The following SCAI variants were observed in gnomAD, a reference collection of about 807,000 sequenced individuals.
SCAI encodes protein SCAI.
Under a neutral mutation model 92.2 loss-of-function variants are expected in SCAI, and 24 were observed. That is an observed-to-expected ratio of 0.26 (90% confidence interval 0.19 to 0.37). The LOEUF is 0.37. Among genes scored for constraint, SCAI ranks in the 10% least tolerant of loss-of-function variants. The pLI, the probability that SCAI is intolerant of heterozygous loss-of-function variation, is 1.00. For missense variants in SCAI, 450 were observed against 736.2 expected, an observed-to-expected ratio of 0.61 and a Z score of 4.50; for synonymous variants, 261 against 258.6, an observed-to-expected ratio of 1.01 and a Z score of -0.09.
At chr9:124,991,476 T>C (rs1385395116) in intron 14 of SCAI, among the ~76,000 whole-genome samples, 1 of 151,234 alleles carries the variant, frequency 6.6e-6, no homozygotes, top group Admixed American at 6.6e-5. Flanking sequence ...TCCAGACCTA[T>C]ATAAAACATA....
chr9:125,136,214 G>T (rs1835523103), intron 2 of SCAI, among the ~76,000 whole-genome samples: 1 of 149,086 alleles, frequency 6.7e-6, no homozygotes, highest in Admixed American at 6.7e-5. Flanking sequence ...AGTCTCAGCT[G>T]ATCCTCCCAC....
chr9:125,083,806 T>G (rs1834268107), intron 2 of SCAI, among the ~76,000 whole-genome samples: 1 of 152,138 alleles, frequency 6.6e-6, no homozygotes, highest in Admixed American at 6.5e-5. Context: ...CAGAGTGTAC[T>G]TTCTACACTC....
intron 2 of SCAI, among the ~76,000 whole-genome samples, chr9:125,122,268 T>G (rs1835169865): frequency 6.6e-6 from 1 of 152,196 alleles, no homozygotes; most frequent in African/African-American, 2.4e-5. Flanking sequence ...CATTTTCCTC[T>G]TCTTTTTAAC....
At chr9:124,961,392 G>C (rs1831432139) in intron 17 of SCAI, among the ~76,000 whole-genome samples, 1 of 152,080 alleles carries the variant, frequency 6.6e-6, no homozygotes, top group Non-Finnish European at 1.5e-5. Flanking sequence ...GCTCATCCCT[G>C]TAATCCTAGA....
chr9:125,058,350 C>G (rs1365845170), intron 2 of SCAI, among the ~76,000 whole-genome samples: 1 of 151,786 alleles, frequency 6.6e-6, no homozygotes, highest in Non-Finnish European at 1.5e-5. Context: ...CCATCTCCAC[C>G]AAAAAATACA....
intron 9 of SCAI, among the ~76,000 whole-genome samples, chr9:125,008,036 G>A (rs1056237112): frequency 5.3e-5 from 8 of 151,730 alleles, no homozygotes; most frequent in African/African-American, 1.9e-4. Flanking sequence ...TAGTAGAGAC[G>A]GGGTTTCACC....
chr9:124,954,065 CCTGAG>C (rs1160034478), intron 17 of SCAI, among the ~76,000 whole-genome samples: 7 of 151,786 alleles, frequency 4.6e-5, no homozygotes, highest in Non-Finnish European at 8.8e-5. Context: ...GTCTTGAACT[CCTGAG>C]CTCAACCAAT....
intron 2 of SCAI, among the ~76,000 whole-genome samples, chr9:125,121,727 C>G (rs1312854852): frequency 6.6e-6 from 1 of 152,024 alleles, no homozygotes; most frequent in Non-Finnish European, 1.5e-5. Context: ...GTGGCACACC[C>G]CTGTAGTCCC....
At chr9:125,039,150 G>A (rs2131105010) in intron 3 of SCAI, among the ~76,000 whole-genome samples, 2 of 152,262 alleles carry the variant, frequency 1.3e-5, no homozygotes, top group South Asian at 4.1e-4. Flanking sequence ...CACTTTGGGA[G>A]GCCAAGGTGG....
chr9:125,032,133 G>A (rs891607211), intron 3 of SCAI, among the ~76,000 whole-genome samples: 1 of 140,194 alleles, frequency 7.1e-6, no homozygotes, highest in African/African-American at 2.7e-5. Flanking sequence ...GAAATATTTA[G>A]AACAGAGAAA....
chr9:125,139,063 G>A (rs1165499780), intron 2 of SCAI, among the ~76,000 whole-genome samples: 1 of 152,064 alleles, frequency 6.6e-6, no homozygotes, highest in Non-Finnish European at 1.5e-5. Flanking sequence ...TAAAGGAGGG[G>A]GCTTGTCAAG....
At chr9:125,106,135 A>ATATG (rs1266002791) in intron 2 of SCAI, among the ~76,000 whole-genome samples, 1 of 107,010 alleles carries the variant, frequency 9.3e-6, no homozygotes, top group African/African-American at 3.4e-5. Flanking sequence ...ATATATATAT[A>ATATG]TATATATATA....
rs567113512 is a variant in SCAI at position 124,967,532 on chromosome 9, T to C, written c.1674+3838A>G. Reference sequence around the variant, plus strand: ...GCACCTCCTCAGCTCCATGATTTTGTTTATTATGCTACATCACTCAGCTCA... The same window carrying C: ...GCACCTCCTCAGCTCCATGATTTTGCTTATTATGCTACATCACTCAGCTCA... On this transcript the variant is annotated intron_variant, in intron 17 of 17. Transcript: ENST00000336505. Among the ~76,000 whole-genome samples, 57 of 152,318 alleles carry C rather than the reference T, an allele frequency of 3.7e-4. 2 individuals carry two copies. The South Asian group carries it at 0.011, about 29-fold the overall frequency.
intron 17 of SCAI, among the ~76,000 whole-genome samples, chr9:124,964,438 G>A (rs1388836736): frequency 1.3e-5 from 2 of 152,170 alleles, no homozygotes; most frequent in Admixed American, 1.3e-4. Flanking sequence ...GTTTTCTCCA[G>A]CAGGAATGAT....
chr9:125,006,497 C>CATTG (rs1291148122), intron 9 of SCAI, among the ~76,000 whole-genome samples: 1 of 151,470 alleles, frequency 6.6e-6, no homozygotes, highest in African/African-American at 2.5e-5. Flanking sequence ...TTCATTCATT[C>CATTG]ATTCATTCAT....
chr9:125,054,875 C>G (rs1223513508), intron 3 of SCAI, among the ~76,000 whole-genome samples: 2 of 152,074 alleles, frequency 1.3e-5, no homozygotes, highest in Non-Finnish European at 2.9e-5. Context: ...GGGGCCTGCT[C>G]TTAGGGACAT....
chr9:125,003,905 G>T (rs577980169), intron 9 of SCAI, among the ~76,000 whole-genome samples: 1 of 152,214 alleles, frequency 6.6e-6, no homozygotes, highest in East Asian at 1.9e-4. Context: ...GCCATGCATG[G>T]TGACTCACGC....
At chr9:125,086,088 T>C (rs964755516) in intron 2 of SCAI, among the ~76,000 whole-genome samples, 1 of 152,198 alleles carries the variant, frequency 6.6e-6, no homozygotes, top group Non-Finnish European at 1.5e-5. Flanking sequence ...CAGAAACAAT[T>C]TGTTTTTTTC....
intron 17 of SCAI, among the ~76,000 whole-genome samples, chr9:124,953,254 T>C (rs1430561526): frequency 1.3e-5 from 2 of 152,174 alleles, no homozygotes; most frequent in Non-Finnish European, 2.9e-5. Context: ...TTCATGCTAC[T>C]GGGGGGAAAA....
Sources: allele counts gnomAD v4.1 joint callset (sites outside exome capture counted in the v4.1 genomes callset), GRCh38; gene constraint gnomAD v4.1.1; transcripts MANE v1.5; gene names NCBI Gene and HGNC (gene_info 2026-07-23, HGNC 2026-07-21).